The following CREB3L2 variants were observed in gnomAD, a reference collection of about 807,000 sequenced individuals.
CREB3L2 encodes the protein cAMP responsive element binding protein 3 like 2.
Under a neutral mutation model 57.2 loss-of-function variants are expected in CREB3L2, and 23 were observed. The ratio of observed to expected loss-of-function variants is 0.40; its 90% CI spans 0.29 to 0.57. CREB3L2 has a LOEUF of 0.57. Among genes scored for constraint, CREB3L2 ranks in the 20% least tolerant of loss-of-function variants. The pLI is 0.42. For synonymous variants in CREB3L2, 268 were observed against 265.1 expected, an observed-to-expected ratio of 1.01 and a Z score of -0.11; for missense variants, 628 against 634.7, an observed-to-expected ratio of 0.99 and a Z score of 0.11.
intron 2 of CREB3L2, among the ~76,000 whole-genome samples, chr7:137,916,676 C>T (rs1367799231): frequency 6.6e-6 from 1 of 150,592 alleles, no homozygotes; most frequent in East Asian, 2.0e-4. Context: ...GTGATCACAT[C>T]ATTGTACTCC....
chr7:137,930,551 T>C (rs904118319), intron 1 of CREB3L2, among the ~76,000 whole-genome samples: 1 of 152,142 alleles, frequency 6.6e-6, no homozygotes, highest in Non-Finnish European at 1.5e-5. Context: ...GATGCTTCCT[T>C]TAATAAAGAA....
At chr7:137,921,972 T>C (rs1800289697) in intron 2 of CREB3L2, among the ~76,000 whole-genome samples, 1 of 151,314 alleles carries the variant, frequency 6.6e-6, no homozygotes, top group Non-Finnish European at 1.5e-5. Flanking sequence ...GAGGTCTCAC[T>C]GTGTTGCTGC....
At chr7:137,903,296 T>A (rs1799803629) in intron 7 of CREB3L2, among the ~76,000 whole-genome samples, 1 of 152,168 alleles carries the variant, frequency 6.6e-6, no homozygotes, top group Admixed American at 6.5e-5. Flanking sequence ...GCCACTCCTT[T>A]CCCCAGATCC....
chr7:137,942,974 A>C (rs1464106299), intron 1 of CREB3L2, among the ~76,000 whole-genome samples: 1 of 152,224 alleles, frequency 6.6e-6, no homozygotes, highest in Non-Finnish European at 1.5e-5. Context: ...TCTAGAAAGA[A>C]AGTCAGCACA....
At chr7:137,894,387 A>T (rs551522256) in intron 8 of CREB3L2, among the ~76,000 whole-genome samples, 1 of 152,290 alleles carries the variant, frequency 6.6e-6, no homozygotes, top group African/African-American at 2.4e-5. Flanking sequence ...CAGGAATCTC[A>T]TATCTTCTAT....
chr7:137,926,986 CA>C (rs1276308250), intron 2 of CREB3L2, among the ~76,000 whole-genome samples: 1 of 151,688 alleles, frequency 6.6e-6, no homozygotes, highest in Non-Finnish European at 1.5e-5. Flanking sequence ...CCCATTTCTA[CA>C]AAAAAATAAA....
chr7:137,998,233 CTGAGAAACATCATAATCTCAGCCT>C (rs1802023029), intron 1 of CREB3L2, among the ~76,000 whole-genome samples: 1 of 152,188 alleles, frequency 6.6e-6, no homozygotes, highest in East Asian at 1.9e-4. Context: ...CAGAAGGCTC[CTGAGAAACATCATAATCTCAGCCT>C]TGGGTAACTT....
chr7:137,966,320 A>G (rs1183737491), intron 1 of CREB3L2, among the ~76,000 whole-genome samples: 1 of 152,228 alleles, frequency 6.6e-6, no homozygotes, highest in Non-Finnish European at 1.5e-5. Context: ...ATTATGTCCA[A>G]TAAGTTTGGA....
chr7:137,994,658 T>C (rs1563276718), intron 1 of CREB3L2, among the ~76,000 whole-genome samples: 1 of 152,114 alleles, frequency 6.6e-6, no homozygotes, highest in Admixed American at 6.5e-5. Context: ...TCTTAGAACT[T>C]TGCTGGGCCG....
rs377231483 is a variant in CREB3L2 at position 137,885,519 on chromosome 7, C to T, written c.1044-17G>A. Reference sequence around the variant, plus strand: ...AGGAGAGTCCTGCCAATGATAACAACAGCCGTGAGGGGAGTCTGACAGAGA... The same window carrying T: ...AGGAGAGTCCTGCCAATGATAACAATAGCCGTGAGGGGAGTCTGACAGAGA... On this transcript the variant is annotated splice_polypyrimidine_tract_variant and intron_variant, in intron 8 of 11. Transcript: ENST00000330387. 125 of 1,586,564 alleles carry T rather than the reference C, an allele frequency of 7.9e-5. No individual in the cohort carries two copies. Among genetic ancestry groups the T allele is most frequent in the Admixed American group, 1.5e-4 (9 of 59,950 alleles).
chr7:137,896,131 G>A (rs1799623738), intron 8 of CREB3L2, among the ~76,000 whole-genome samples: 1 of 152,198 alleles, frequency 6.6e-6, no homozygotes, highest in South Asian at 2.1e-4. Context: ...GCTTACATCA[G>A]TCATTTTGGT....
rs141259681 is a variant in CREB3L2, at chr7:137,992,915, G to A, written c.102+8689C>T. Among the ~76,000 whole-genome samples, 7 of 152,340 alleles carry A rather than the reference G, an allele frequency of 4.6e-5. No homozygotes were observed. In the East Asian group the frequency reaches 7.7e-4, roughly 17 times the overall value. ...GGACCCAGCGGGCAGAGGATACAGGGTAGAGACTAAGGAAATGGAGGCCAT... is the reference window on the plus strand; with the variant it reads ...GGACCCAGCGGGCAGAGGATACAGGATAGAGACTAAGGAAATGGAGGCCAT... On this transcript the variant is annotated intron_variant, in intron 1 of 11. Coordinates refer to ENST00000330387, the MANE Select transcript of CREB3L2 (RefSeq NM_194071.4).
chr7:137,927,335 A>T (rs1056685325), intron 2 of CREB3L2, among the ~76,000 whole-genome samples: 3 of 137,074 alleles, frequency 2.2e-5, no homozygotes, highest in African/African-American at 8.1e-5. Context: ...AGCGAGAGGG[A>T]GGGAAAGAGG....
intron 1 of CREB3L2, among the ~76,000 whole-genome samples, chr7:137,931,060 A>G (rs1800605177): frequency 6.6e-6 from 1 of 151,864 alleles, no homozygotes; most frequent in Non-Finnish European, 1.5e-5. Context: ...AGTGAGACAC[A>G]GTCTCTACAA....
intron 2 of CREB3L2, among the ~76,000 whole-genome samples, chr7:137,923,108 G>C (rs117535513): frequency 1.3e-3 from 198 of 152,254 alleles, no homozygotes; most frequent in Non-Finnish European, 2.1e-3. Flanking sequence ...GATAGTAGTA[G>C]AAACAGAAAA....
intron 1 of CREB3L2, among the ~76,000 whole-genome samples, chr7:137,969,510 C>T (rs1320592744): frequency 6.6e-6 from 1 of 151,690 alleles, no homozygotes; most frequent in African/African-American, 2.4e-5. Flanking sequence ...TCACACCCGG[C>T]TAATTTTTTT....
intron 7 of CREB3L2, among the ~76,000 whole-genome samples, chr7:137,902,833 T>C (rs1032785739): frequency 5.9e-5 from 9 of 152,308 alleles, no homozygotes; most frequent in Admixed American, 5.9e-4. Context: ...CTTTGGTTTT[T>C]TGAGACAGAG....
intron 8 of CREB3L2, among the ~76,000 whole-genome samples, chr7:137,888,809 T>G (rs1350003351): frequency 6.6e-6 from 1 of 152,038 alleles, no homozygotes; most frequent in Non-Finnish European, 1.5e-5. Flanking sequence ...CACCTCAGTT[T>G]TCCACTGGGC....
At chr7:137,888,941 A>G (rs1369508496) in intron 8 of CREB3L2, among the ~76,000 whole-genome samples, 2 of 152,016 alleles carry the variant, frequency 1.3e-5, no homozygotes, top group Non-Finnish European at 2.9e-5. Flanking sequence ...GTACCAAAGC[A>G]TGTTACTTTT....
Sources: gnomAD v4.1 joint callset for allele counts (sites outside exome capture counted in the v4.1 genomes callset) on GRCh38, gnomAD v4.1.1 for gene constraint, MANE v1.5 for transcripts, NCBI Gene and HGNC (gene_info 2026-07-23, HGNC 2026-07-21) for gene names.